Variants in DENND1A observed in about 807,000 individuals in gnomAD.
DENND1A encodes DENN domain-containing protein 1A.
DENND1A carries 51 observed loss-of-function variants against 113.7 expected under a neutral mutation model. The observed-to-expected ratio is 0.45, with a 90% CI of 0.36 to 0.57. The LOEUF (loss-of-function observed/expected upper bound fraction) is 0.57, where lower values mean the gene tolerates loss of function less well. DENND1A is among the 20% of genes least tolerant of loss of function. The pLI is 0.00. For missense variants in DENND1A, 1,258 were observed against 1,395.9 expected (o/e 0.90, Z 1.57); for synonymous variants, 565 against 570.8 (o/e 0.99, Z 0.14).
At position 123,705,949 on chromosome 9, in the gene DENND1A, G is replaced by C. The variant is rs572306060; in HGVS notation, c.303-29160C>G. On this transcript the variant is annotated intron_variant, in intron 5 of 23. Coordinates refer to ENST00000394215, the MANE Select transcript of DENND1A (RefSeq NM_001352964.2). ...TATGTACCATCCTTGGGAGAACTGA[G>C]AAAACAGTGTCATTCAAATTCTGTT... Among the ~76,000 whole-genome samples the C allele has an allele frequency of 2.0e-5, 3 of 152,244 alleles. No homozygotes were observed. In the East Asian group the frequency reaches 5.8e-4, roughly 29 times the overall value.
intron 2 of DENND1A, among the ~76,000 whole-genome samples, chr9:123,830,902 C>CAAAAAAAAA (rs1840111768): frequency 1.4e-5 from 1 of 69,380 alleles, no homozygotes; most frequent in African/African-American, 5.8e-5. Flanking sequence ...AAAAAAAAAC[C>CAAAAAAAAA]AGAAAAGAAT....
At chr9:123,668,431 C>T (rs2063595807) in intron 7 of DENND1A, among the ~76,000 whole-genome samples, 1 of 152,162 alleles carries the variant, frequency 6.6e-6, no homozygotes, top group South Asian at 2.1e-4. Context: ...ACATGAAAGG[C>T]ATTATGTCTA....
intron 5 of DENND1A, among the ~76,000 whole-genome samples, chr9:123,728,774 G>T (rs2067940028): frequency 1.3e-5 from 2 of 152,166 alleles, no homozygotes; most frequent in Admixed American, 1.3e-4. Flanking sequence ...TGCTACATCA[G>T]CATAATCCTG....
At chr9:123,735,645 GT>G in intron 5 of DENND1A, among the ~76,000 whole-genome samples, 1 of 152,140 alleles carries the variant, frequency 6.6e-6, no homozygotes, top group Non-Finnish European at 1.5e-5. Flanking sequence ...TTTTTTAAAA[GT>G]TTTTATTGTT....
At chr9:123,842,333 G>A (rs1841950792) in intron 2 of DENND1A, among the ~76,000 whole-genome samples, 1 of 152,132 alleles carries the variant, frequency 6.6e-6, no homozygotes, top group Non-Finnish European at 1.5e-5. Flanking sequence ...ACTTTGCAGT[G>A]GCTGCAAGTA....
At chr9:123,660,394 G>A (rs912454501) in intron 8 of DENND1A, among the ~76,000 whole-genome samples, 1 of 152,106 alleles carries the variant, frequency 6.6e-6, no homozygotes, top group Non-Finnish European at 1.5e-5. Flanking sequence ...TTAAAATAGT[G>A]GGGGCAGGAG....
intron 5 of DENND1A, among the ~76,000 whole-genome samples, chr9:123,755,080 G>A (rs1448256338): frequency 6.6e-6 from 1 of 151,018 alleles, no homozygotes; most frequent in Non-Finnish European, 1.5e-5. Context: ...GTTCACCTTG[G>A]ACAACACAGG....
At chr9:123,820,771 C>G (rs910685064) in intron 2 of DENND1A, among the ~76,000 whole-genome samples, 3 of 151,928 alleles carry the variant, frequency 2.0e-5, no homozygotes, top group Non-Finnish European at 4.4e-5. Flanking sequence ...CATTTTTATC[C>G]ATAGCAAATA....
intron 9 of DENND1A, among the ~76,000 whole-genome samples, chr9:123,651,104 G>A (rs2062625796): frequency 6.6e-6 from 1 of 151,492 alleles, no homozygotes; most frequent in African/African-American, 2.4e-5. Context: ...GGGAAAATGT[G>A]AACTCATACT....
At chr9:123,607,925 C>T (rs1205880010) in intron 11 of DENND1A, among the ~76,000 whole-genome samples, 1 of 151,996 alleles carries the variant, frequency 6.6e-6, no homozygotes, top group Non-Finnish European at 1.5e-5. Context: ...ACCAAATAGT[C>T]GTTATATTAG....
intron 13 of DENND1A, 64 bp from the exon 14 acceptor site, chr9:123,457,961 T>A (rs1348561342): frequency 7.7e-7 from 1 of 1,304,556 alleles, no homozygotes; most frequent in African/African-American, 1.5e-5. Context: ...GTTTTGAAAT[T>A]CCTATTTGCA....
At chr9:123,852,382 TC>T (rs1331418149) in intron 2 of DENND1A, among the ~76,000 whole-genome samples, 1 of 152,172 alleles carries the variant, frequency 6.6e-6, no homozygotes, top group Non-Finnish European at 1.5e-5. Context: ...AACTGTTTGC[TC>T]CCTGCTGCCT....
chr9:123,649,732 T>A (rs1357798714), intron 9 of DENND1A, among the ~76,000 whole-genome samples: 1 of 152,228 alleles, frequency 6.6e-6, no homozygotes, highest in African/African-American at 2.4e-5. Context: ...CTTACTATTT[T>A]AAAAATTCCT....
chr9:123,618,626 G>C (rs1457315529), intron 10 of DENND1A, among the ~76,000 whole-genome samples: 1 of 152,218 alleles, frequency 6.6e-6, no homozygotes, highest in Admixed American at 6.5e-5. Context: ...CCAGGAGGTG[G>C]TTAGGCTGTG....
intron 5 of DENND1A, among the ~76,000 whole-genome samples, chr9:123,741,688 TC>T (rs2069040059): frequency 1.3e-5 from 2 of 152,330 alleles, no homozygotes; most frequent in South Asian, 4.1e-4. Flanking sequence ...GGTTATCCCT[TC>T]ACCTTGATAT....
intron 13 of DENND1A, among the ~76,000 whole-genome samples, chr9:123,551,535 G>A (rs373881503): frequency 4.6e-5 from 7 of 152,306 alleles, no homozygotes; most frequent in African/African-American, 1.7e-4. Flanking sequence ...TGCTTCCTAG[G>A]AATCACTGCA....
chr9:123,757,035 C>T (rs1382720386), intron 5 of DENND1A, among the ~76,000 whole-genome samples: 2 of 152,146 alleles, frequency 1.3e-5, no homozygotes, highest in African/African-American at 4.8e-5. Context: ...TCAGGAGGAG[C>T]CCAGCAGGAG....
intron 5 of DENND1A, among the ~76,000 whole-genome samples, chr9:123,687,798 T>C (rs1029148693): frequency 6.6e-6 from 1 of 152,264 alleles, no homozygotes; most frequent in Non-Finnish European, 1.5e-5. Context: ...CATGGGATTC[T>C]GTCTGGCCCA....
chr9:123,480,789 CTG>C (rs1357496051), intron 13 of DENND1A, among the ~76,000 whole-genome samples: 32 of 152,210 alleles, frequency 2.1e-4, no homozygotes, highest in Non-Finnish European at 1.5e-5. Context: ...CAATGGCACA[CTG>C]AACACACGTG....
Sources: gnomAD v4.1 joint callset for allele counts (sites outside exome capture counted in the v4.1 genomes callset) on GRCh38, gnomAD v4.1.1 for gene constraint, MANE v1.5 for transcripts, NCBI Gene and HGNC (gene_info 2026-07-23, HGNC 2026-07-21) for gene names.